Variants in PLEKHO1 observed in about 807,000 individuals in gnomAD.
The protein encoded by PLEKHO1 is pleckstrin homology domain-containing family O member 1.
Under a neutral mutation model 41.4 loss-of-function variants are expected in PLEKHO1, and 22 were observed. The observed-to-expected ratio is 0.53, with a 90% CI of 0.38 to 0.76. PLEKHO1 has a LOEUF of 0.76. PLEKHO1 is among the 30% of genes least tolerant of loss of function. PLEKHO1 has a pLI of 0.00. For synonymous variants in PLEKHO1, 225 were observed against 210.8 expected (o/e 1.07, Z -0.58); for missense variants, 488 against 518.3 (o/e 0.94, Z 0.57).
chr1:150,159,306 A>G lies in PLEKHO1; in HGVS notation c.1013A>G (p.Asp338Gly), dbSNP rs1270087240. 1.2e-6 allele frequency: 2 copies of G among 1,613,678 alleles called. No homozygotes were observed. Residue 338 changes from aspartate to glycine, a missense_variant, in exon 6 of 6, where the codon GAC becomes GGC. Transcript: ENST00000369124. ...GLGDGKRKAKDPPRSPPDSES... is the reference protein window; with the variant it reads ...GLGDGKRKAKGPPRSPPDSES... ...GGAGATGGGAAGCGAAAGGCCAAGG[A>G]CCCCCCTCGGTCTCCGCCGGATTCT...
chr1:150,149,710 A>G (rs1330711335), upstream of PLEKHO1: 1 of 150,152 alleles, frequency 6.7e-6, no homozygotes, highest in Admixed American at 6.6e-5. Context: ...GTGTCGCCCG[A>G]GCCGCCGCCG....
intron 5 of PLEKHO1, among the ~76,000 whole-genome samples, chr1:150,157,848 C>T (rs1660239706): frequency 1.3e-5 from 2 of 152,184 alleles, no homozygotes; most frequent in Admixed American, 6.5e-5. Context: ...AAACATACAA[C>T]GTGCTAGTTT....
At chr1:150,157,171 C>T in intron 4 of PLEKHO1, 156 bp downstream of exon 4, 1 of 696,948 alleles carries the variant, frequency 1.4e-6, no homozygotes. Context: ...CTCTTTCTAC[C>T]TTCTCTCCAA....
intron 2 of PLEKHO1, chr1:150,154,563 G>T (rs1418464517): frequency 6.6e-6 from 1 of 152,252 alleles, no homozygotes; most frequent in East Asian, 1.9e-4. Flanking sequence ...CTGGGTAATG[G>T]AAGGGAGAAC....
chr1:150,150,860 A>G (rs1279243587), intron 1 of PLEKHO1, 52 bp from the exon 2 acceptor site: 6 of 1,564,474 alleles, frequency 3.8e-6, no homozygotes, highest in Non-Finnish European at 5.3e-6. Context: ...ACGGAGAGGA[A>G]GCGCCGGCTG....
Position 150,156,336 on chromosome 1 carries a change from T to G in PLEKHO1, c.318+130T>G. ...TTCCCTGAATTGCTCTCCTGCTGGC[T>G]TTTATCATTTCACCTGAGAATATTG... On this transcript the variant is annotated intron_variant, in intron 3 of 5. Transcript: ENST00000369124. The G allele has an allele frequency of 4.0e-6, 3 of 742,396 alleles. No homozygotes were observed. In the South Asian group the frequency reaches 5.5e-5, roughly 14 times the overall value. 46.0% of individuals were successfully genotyped at this position (742,396 alleles called of 1,614,324 possible).
chr1:150,157,824 A>G (rs1660238818), intron 5 of PLEKHO1, among the ~76,000 whole-genome samples: 1 of 152,228 alleles, frequency 6.6e-6, no homozygotes, highest in African/African-American at 2.4e-5. Flanking sequence ...AGAAAGGATC[A>G]CAATGAACTC....
In PLEKHO1 at chr1:150,156,056, C is replaced by T. The variant is rs782631109; in HGVS notation, c.178-10C>T. On this transcript the variant is annotated splice_polypyrimidine_tract_variant and intron_variant, in intron 2 of 5. Coordinates refer to ENST00000369124, the MANE Select transcript of PLEKHO1 (RefSeq NM_016274.6). ...TTTATCCTCCTCACCTCACCCCAAC[C>T]CTCCCCTAGGTAAAAGATGAGAAAA... 8 of 1,611,704 alleles carry T rather than the reference C, an allele frequency of 5.0e-6. No individual in the cohort carries two copies. The highest frequency in any genetic ancestry group is 6.8e-6 in the Non-Finnish European group (8 of 1,178,254).
At chr1:150,156,725 CT>C (rs1234682784) in intron 3 of PLEKHO1, among the ~76,000 whole-genome samples, 185 bp from the exon 4 acceptor site, 5 of 152,136 alleles carry the variant, frequency 3.3e-5, no homozygotes, top group Non-Finnish European at 7.4e-5. Flanking sequence ...AAACAACCTC[CT>C]AGCTATGCAT....
upstream of PLEKHO1, chr1:150,149,706 C>T (rs889914314): frequency 6.6e-6 from 1 of 152,072 alleles, no homozygotes; most frequent in African/African-American, 2.4e-5. Context: ...CCGCGTGTCG[C>T]CCGAGCCGCC....
rs187820171 is a variant in PLEKHO1 at position 150,153,656 on chromosome 1, T to C, written c.178-2410T>C. On this transcript the variant is annotated intron_variant, in intron 2 of 5. Transcript: ENST00000369124. Reference sequence around the variant, plus strand: ...GCCGTAGAATTTCTTCTGTGTTCGATAGTAATCATTTTCTTCCTTCTCAAA... The same window carrying C: ...GCCGTAGAATTTCTTCTGTGTTCGACAGTAATCATTTTCTTCCTTCTCAAA... 119 of 152,332 alleles carry C rather than the reference T, an allele frequency of 7.8e-4. 2 individuals carry two copies. Among genetic ancestry groups the C allele is most frequent in the African/African-American group, 2.6e-3 (108 of 41,580 alleles). The allele number at this position is 152,332 out of a possible 1,614,324, so 9.4% of individuals were successfully genotyped here.
chr1:150,150,746 G>A lies in PLEKHO1; in HGVS notation c.31-166G>A. 14 of 607,882 alleles carry A rather than the reference G, an allele frequency of 2.3e-5. No individual in the cohort carries two copies. In the South Asian group the frequency reaches 2.8e-4, roughly 12 times the overall value. 37.7% of individuals were successfully genotyped at this position (607,882 alleles called of 1,614,324 possible). The stretch of plus-strand genomic sequence containing the variant: ...GGAGGGGAGCGGGGGGAGTTCCTCG[G>A]AGTGAAAACCTTTCCGAAGTGGGAG... On this transcript the variant is annotated intron_variant, in intron 1 of 5. Transcript: ENST00000369124.
chr1:150,153,012 C>T (rs1004882034), intron 2 of PLEKHO1: 6 of 152,192 alleles, frequency 3.9e-5, no homozygotes, highest in African/African-American at 1.4e-4. Flanking sequence ...CAGCTGTCTC[C>T]TGCTGGGAAG....
intron 2 of PLEKHO1, among the ~76,000 whole-genome samples, chr1:150,151,866 G>A (rs1659950875): frequency 6.6e-6 from 1 of 152,142 alleles, no homozygotes; most frequent in Non-Finnish European, 1.5e-5. Context: ...TCAATAACGT[G>A]TACTAATGTG....
chr1:150,157,076 C>T, intron 4 of PLEKHO1, 61 bp downstream of exon 4: 1 of 1,062,792 alleles, frequency 9.4e-7, no homozygotes. Context: ...AGCTGTGACC[C>T]ACTGAAGGGG....
In PLEKHO1 at chr1:150,159,186, C is replaced by T. The variant is rs1037506027; in HGVS notation, c.893C>T (p.Ala298Val). The change falls in exon 6 of 6, where the codon GCC becomes GTC. Residue 298 changes from alanine (A) to valine (V), a missense_variant. By Grantham distance (64) the Ala-to-Val change is moderately conservative. This residue lies in a region of PLEKHO1 where 337 missense variants were observed against 324.6 expected (regional missense o/e 1.04). Coordinates refer to ENST00000369124, the MANE Select transcript of PLEKHO1 (RefSeq NM_016274.6). ...CGGGCTGAGGAACCCCCAACCCCTG[C>T]CCTCCCCAACCCGGGGCAGCTGTCC... ...QLRAEEPPTP[A>V]LPNPGQLSRI... is the part of the protein sequence containing the mutation. 2.5e-6 allele frequency: 4 copies of T among 1,613,486 alleles called. No homozygotes were observed. In the East Asian group the frequency reaches 8.9e-5, roughly 36 times the overall value.
chr1:150,154,345 G>C (rs1451651212), intron 2 of PLEKHO1: 1 of 152,244 alleles, frequency 6.6e-6, no homozygotes, highest in Non-Finnish European at 1.5e-5. Context: ...ATCATTCAAG[G>C]CCTCTGGCCA....
At chr1:150,150,858 G>A (rs587675699) in intron 1 of PLEKHO1, 54 bp from the exon 2 acceptor site, 42 of 1,560,320 alleles carry the variant, frequency 2.7e-5, no homozygotes, top group Admixed American at 6.8e-5. Context: ...GGACGGAGAG[G>A]AAGCGCCGGC....
At position 150,159,668 on chromosome 1, in the gene PLEKHO1, C is replaced by T. The variant is rs587671334; in HGVS notation, c.*145C>T. The stretch of plus-strand genomic sequence containing the variant: ...GCTGATGCCTGACCCCACTACAACC[C>T]TTATTGCCCCACCTACTTTCCATAT... On this transcript the variant is annotated 3_prime_UTR_variant, in exon 6 of 6. Transcript: ENST00000369124. The T allele has an allele frequency of 2.2e-5, 13 of 594,382 alleles. No homozygotes were observed. In the East Asian group the frequency reaches 3.4e-4, roughly 15 times the overall value. The allele number at this position is 594,382 out of a possible 1,614,324, so 36.8% of individuals were successfully genotyped here.
Sources: gnomAD v4.1 joint callset for allele counts (sites outside exome capture counted in the v4.1 genomes callset) on GRCh38, gnomAD v4.1.1 for gene constraint, gnomAD v4.1.1 regional missense constraint, MANE v1.5 for transcripts, NCBI Gene and HGNC (gene_info 2026-07-23, HGNC 2026-07-21) for gene names.